The following MICAL3 variants were observed in gnomAD, a reference collection of about 807,000 sequenced individuals.
The protein encoded by MICAL3 is [F-actin]-monooxygenase MICAL3.
A neutral mutation model predicts 207.4 loss-of-function variants in MICAL3; 62 were observed. The ratio of observed to expected loss-of-function variants is 0.30; its 90% CI spans 0.24 to 0.37. The LOEUF is 0.37. MICAL3 is among the 10% of genes least tolerant of loss of function. The pLI, the probability that MICAL3 is intolerant of heterozygous loss-of-function variation, is 1.00. For missense variants in MICAL3, 2,368 were observed against 2,635.6 expected (o/e 0.90, Z 2.22); for synonymous variants, 1,077 against 1,069.3 (o/e 1.01, Z -0.14).
At chr22:17,857,840 C>T (rs1926099485) in intron 19 of MICAL3, among the ~76,000 whole-genome samples, 1 of 152,176 alleles carries the variant, frequency 6.6e-6, no homozygotes, top group Non-Finnish European at 1.5e-5. Context: ...GCACATTCTG[C>T]CTATGCACGG....
chr22:17,914,442 G>GAAAGTGCAGATGGGA (rs1932348498), intron 1 of MICAL3, among the ~76,000 whole-genome samples: 1 of 152,158 alleles, frequency 6.6e-6, no homozygotes. Context: ...TGCAGATGGG[G>GAAAGTGCAGATGGGA]AAAGGCATGT....
chr22:17,854,106 T>A (rs759505012), intron 19 of MICAL3, among the ~76,000 whole-genome samples: 7 of 152,206 alleles, frequency 4.6e-5, no homozygotes, highest in Non-Finnish European at 1.0e-4. Flanking sequence ...TGACAGCATG[T>A]CAATGTCATG....
intron 16 of MICAL3, among the ~76,000 whole-genome samples, chr22:17,877,475 T>TTATGGAGGTTAGGGAGGTTATGGAGGTG (rs1569110607): frequency 3.6e-5 from 3 of 84,416 alleles, no homozygotes; most frequent in Admixed American, 1.1e-4. Context: ...TTATGGAGGT[T>TTATGGAGGTTAGGGAGGTTATGGAGGTG]AGGGAGGTTA....
intron 1 of MICAL3, among the ~76,000 whole-genome samples, chr22:18,009,037 A>G (rs555146537): frequency 4.7e-4 from 72 of 152,258 alleles, no homozygotes; most frequent in Middle Eastern, 3.4e-3. Context: ...ACTGATTGGC[A>G]TGTGTATGTT....
At chr22:17,811,033 C>A in intron 27 of MICAL3, 1 of 521,050 alleles carries the variant, frequency 1.9e-6, no homozygotes, top group Non-Finnish European at 3.5e-6. Flanking sequence ...CTGCAGCAGC[C>A]CTCAGTGCCA....
intron 19 of MICAL3, chr22:17,863,936 G>C (rs1926788635): frequency 2.0e-6 from 2 of 985,246 alleles, no homozygotes; most frequent in African/African-American, 3.5e-5. Context: ...CATGTGTTTT[G>C]AACAAGAGGA....
intron 1 of MICAL3, among the ~76,000 whole-genome samples, chr22:17,929,069 A>C (rs1435009173): frequency 1.3e-5 from 2 of 149,194 alleles, no homozygotes; most frequent in East Asian, 3.9e-4. Flanking sequence ...CTGGGATTAC[A>C]AGCATGAGCC....
chr22:17,954,390 A>AG (rs1569145490), intron 1 of MICAL3, among the ~76,000 whole-genome samples: 1 of 151,974 alleles, frequency 6.6e-6, no homozygotes, highest in African/African-American at 2.4e-5. Flanking sequence ...GAGGAACATC[A>AG]GGGGGAAGGA....
At position 17,862,246 on chromosome 22, in the gene MICAL3, A is replaced by G. The variant is rs183143674; in HGVS notation, c.2605+2653T>C. 1.0e-3 allele frequency: 1,014 copies of G among 984,190 alleles called. 13 individuals carry two copies. The African/African-American group carries it at 0.017, about 16-fold the overall frequency. The allele number at this position is 984,190 out of a possible 1,614,324, so 61.0% of individuals were successfully genotyped here. A position where few individuals can be genotyped will look rare whatever the true frequency, so the allele number is the denominator to read the frequency against. The stretch of plus-strand genomic sequence containing the variant: ...ACATTCTGGGACCCTGAAACACCTG[A>G]GCTTTCCCTTTTCTTCTTTTTTTTT... On this transcript the variant is annotated intron_variant, in intron 19 of 31. Coordinates refer to ENST00000441493, the MANE Select transcript of MICAL3 (RefSeq NM_015241.3).
At chr22:17,921,443 A>G (rs1932797899) in intron 1 of MICAL3, among the ~76,000 whole-genome samples, 1 of 152,184 alleles carries the variant, frequency 6.6e-6, no homozygotes, top group South Asian at 2.1e-4. Flanking sequence ...GGCCTTGGTC[A>G]TTTCCCTTGA....
intron 20 of MICAL3, among the ~76,000 whole-genome samples, chr22:17,837,590 G>A (rs1923533296): frequency 6.6e-6 from 1 of 152,226 alleles, no homozygotes; most frequent in Non-Finnish European, 1.5e-5. Flanking sequence ...TGGCCCACTG[G>A]CCTTTCCAGT....
At chr22:17,929,093 C>CTTTT (rs58091241) in intron 1 of MICAL3, among the ~76,000 whole-genome samples, 1 of 137,634 alleles carries the variant, frequency 7.3e-6, no homozygotes, top group African/African-American at 2.6e-5. Flanking sequence ...GTGCCCGGCC[C>CTTTT]TTTTTTTTTT....
intron 1 of MICAL3, among the ~76,000 whole-genome samples, chr22:17,923,139 A>G (rs986217363): frequency 1.3e-5 from 2 of 152,110 alleles, no homozygotes; most frequent in East Asian, 1.9e-4. Context: ...AAAGTGAGTA[A>G]CAAGCTTGCT....
chr22:18,015,259 A>T lies in MICAL3; in HGVS notation c.-75+9022T>A, dbSNP rs550241658. Among the ~76,000 whole-genome samples the T allele has an allele frequency of 9.7e-4, 147 of 152,254 alleles. 2 individuals carry two copies. Among genetic ancestry groups the T allele is most frequent in the African/African-American group, 3.5e-3 (144 of 41,532 alleles). ...GATTCTTCTGGTTTCTGGGGCTAAT[A>T]AAAAACATTCTACTTTGTAATATAT... On this transcript the variant is annotated intron_variant, in intron 1 of 31. Coordinates refer to ENST00000441493, the MANE Select transcript of MICAL3 (RefSeq NM_015241.3).
chr22:17,938,272 C>A (rs1010369214), intron 1 of MICAL3, among the ~76,000 whole-genome samples: 3 of 152,150 alleles, frequency 2.0e-5, no homozygotes, highest in Non-Finnish European at 2.9e-5. Context: ...ATTCCACTTC[C>A]CCACAAAGAA....
chr22:17,904,532 G>T (rs779335707), intron 3 of MICAL3, 100 bp downstream of exon 3: 2 of 875,404 alleles, frequency 2.3e-6, no homozygotes, highest in Non-Finnish European at 3.9e-6. Flanking sequence ...GAAGAAATTG[G>T]GTGGCATATG....
chr22:18,022,098 C>T (rs1427801717), intron 1 of MICAL3, among the ~76,000 whole-genome samples: 1 of 152,122 alleles, frequency 6.6e-6, no homozygotes, highest in Non-Finnish European at 1.5e-5. Flanking sequence ...CCTTGAGCCC[C>T]TTAGTCATTG....
intron 1 of MICAL3, among the ~76,000 whole-genome samples, chr22:17,994,881 C>T (rs4378894): frequency 1.3e-5 from 2 of 152,050 alleles, no homozygotes; most frequent in South Asian, 2.1e-4. Context: ...TTAACCAGAC[C>T]GAATCTCCTG....
In MICAL3 at chr22:17,928,999, T is replaced by A. The variant is rs537041555; in HGVS notation, c.-74-22113A>T. Among the ~76,000 whole-genome samples, 8 of 151,988 alleles carry A rather than the reference T, an allele frequency of 5.3e-5. No individual in the cohort carries two copies. In the East Asian group the frequency reaches 9.7e-4, roughly 18 times the overall value. On this transcript the variant is annotated intron_variant, in intron 1 of 31. Transcript: ENST00000441493. Reference sequence around the variant, plus strand: ...TAGTAGAGATGGGGTTTCACTGTGTTAGCCAGGATGGTCTCGAACTCCTGA... The same window carrying A: ...TAGTAGAGATGGGGTTTCACTGTGTAAGCCAGGATGGTCTCGAACTCCTGA...
Sources: gnomAD v4.1 joint callset for allele counts (sites outside exome capture counted in the v4.1 genomes callset) on GRCh38, gnomAD v4.1.1 for gene constraint, MANE v1.5 for transcripts, NCBI Gene and HGNC (gene_info 2026-07-23, HGNC 2026-07-21) for gene names.